The following CALN1 variants were observed in gnomAD, a reference collection of about 807,000 sequenced individuals.
CALN1 encodes calneuron 1.
Under a neutral mutation model 30.6 loss-of-function variants are expected in CALN1, and 17 were observed. The ratio of observed to expected loss-of-function variants is 0.56; its 90% CI spans 0.38 to 0.83. The LOEUF is 0.83. Ranked by LOEUF, CALN1 falls within the 40% of genes least tolerant of loss-of-function variation. The pLI, the probability that CALN1 is intolerant of heterozygous loss-of-function variation, is 0.00. For missense variants in CALN1, 291 were observed against 354.9 expected (o/e 0.82, Z 1.45); for synonymous variants, 156 against 131.4 (o/e 1.19, Z -1.28).
chr7:72,409,566 G>A (rs1043668295), intron 1 of CALN1, among the ~76,000 whole-genome samples: 1 of 151,924 alleles, frequency 6.6e-6, no homozygotes, highest in South Asian at 2.1e-4. Context: ...TGGGTTACAA[G>A]CAGACTCAGC....
In CALN1 at chr7:72,403,391, T is replaced by C; in HGVS notation, c.-22A>G. 6.5e-7 allele frequency: 1 copy of C among 1,530,336 alleles called. No individual in the cohort carries two copies. Among genetic ancestry groups the C allele is most frequent in the Admixed American group, 2.0e-5 (1 of 50,120 alleles). The allele number at this position is 1,530,336 out of a possible 1,614,324, so 94.8% of individuals were successfully genotyped here. A position where few individuals can be genotyped will look rare whatever the true frequency, so the allele number is the denominator to read the frequency against. ...GCATCGGGGGTCCAGGGCGATGTTC[T>C]CAGAGAGAGTTAGAAGCTCATCAAA... is the stretch of plus-strand genomic sequence containing the variant. On this transcript the variant is annotated 5_prime_UTR_variant, in exon 2 of 7. Transcript: ENST00000395275.
intron 5 of CALN1, among the ~76,000 whole-genome samples, chr7:72,015,430 TTTC>T (rs1272018421): frequency 3.7e-5 from 5 of 133,536 alleles, no homozygotes; most frequent in Admixed American, 6.7e-5. Flanking sequence ...CATTTCTTTC[TTTC>T]TTTTTTTTTT....
intron 5 of CALN1, among the ~76,000 whole-genome samples, chr7:71,947,688 C>A (rs1200747374): frequency 6.6e-6 from 1 of 152,122 alleles, no homozygotes; most frequent in African/African-American, 2.4e-5. Context: ...CACCTGTAAT[C>A]CCAGCACTTT....
At chr7:72,349,641 A>G (rs1013488188) in intron 2 of CALN1, among the ~76,000 whole-genome samples, 9 of 152,178 alleles carry the variant, frequency 5.9e-5, no homozygotes, top group African/African-American at 1.7e-4. Flanking sequence ...AAAAACAAAA[A>G]TACTGAGAAT....
intron 2 of CALN1, among the ~76,000 whole-genome samples, chr7:72,384,010 T>C (rs1805063087): frequency 6.6e-6 from 1 of 152,208 alleles, no homozygotes; most frequent in Non-Finnish European, 1.5e-5. Context: ...ATATGTTTAT[T>C]GCAGCACTAT....
At chr7:71,885,855 C>T (rs1792872759) in intron 5 of CALN1, among the ~76,000 whole-genome samples, 2 of 152,196 alleles carry the variant, frequency 1.3e-5, no homozygotes, top group Non-Finnish European at 2.9e-5. Flanking sequence ...GGGAGAAATT[C>T]ACAGGAGTCT....
At chr7:72,084,241 A>G (rs976751841) in intron 4 of CALN1, among the ~76,000 whole-genome samples, 1 of 152,112 alleles carries the variant, frequency 6.6e-6, no homozygotes, top group Non-Finnish European at 1.5e-5. Flanking sequence ...AAAACAGATT[A>G]CACTTAGAAT....
chr7:72,326,556 T>G (rs1044694566), intron 2 of CALN1, among the ~76,000 whole-genome samples: 3 of 152,250 alleles, frequency 2.0e-5, no homozygotes, highest in Non-Finnish European at 4.4e-5. Context: ...GCAGTAGGAA[T>G]GCTGGAGGCT....
intron 3 of CALN1, among the ~76,000 whole-genome samples, chr7:72,276,906 C>T (rs1000471932): frequency 3.9e-5 from 6 of 152,238 alleles, no homozygotes; most frequent in African/African-American, 1.4e-4. Context: ...CACAAAAGAA[C>T]TTATTCACTC....
At chr7:72,086,568 G>A (rs1290146714) in intron 4 of CALN1, among the ~76,000 whole-genome samples, 1 of 143,262 alleles carries the variant, frequency 7.0e-6, no homozygotes, top group Non-Finnish European at 1.6e-5. Context: ...CAAGTAGCTG[G>A]GACTACCGGC....
intron 2 of CALN1, among the ~76,000 whole-genome samples, chr7:72,387,477 A>C (rs1475971229): frequency 2.6e-5 from 4 of 152,242 alleles, no homozygotes; most frequent in East Asian, 1.9e-4. Context: ...AAACCTGACA[A>C]ACACACACTC....
At chr7:72,077,086 T>A (rs555101135) in intron 4 of CALN1, among the ~76,000 whole-genome samples, 14 of 152,230 alleles carry the variant, frequency 9.2e-5, no homozygotes, top group South Asian at 2.1e-4. Context: ...AAATACCTAG[T>A]AGTAGTGGCA....
chr7:71,891,984 A>G (rs1448284512), intron 5 of CALN1, among the ~76,000 whole-genome samples: 1 of 152,042 alleles, frequency 6.6e-6, no homozygotes, highest in African/African-American at 2.4e-5. Flanking sequence ...AGTGCTATGT[A>G]TGTGTTTGTT....
chr7:71,881,936 G>C (rs1374767977), intron 5 of CALN1, among the ~76,000 whole-genome samples: 3 of 151,878 alleles, frequency 2.0e-5, no homozygotes, highest in Non-Finnish European at 4.4e-5. Context: ...AGCCACATGT[G>C]GTGGTATATG....
At chr7:72,411,023 AAAT>A (rs1369839346) in intron 1 of CALN1, among the ~76,000 whole-genome samples, 12 of 152,226 alleles carry the variant, frequency 7.9e-5, no homozygotes, top group Non-Finnish European at 1.3e-4. Context: ...AAACGATTAC[AAAT>A]AATAGGTGAA....
chr7:71,831,206 C>A (rs527982514), intron 5 of CALN1, among the ~76,000 whole-genome samples: 1 of 152,096 alleles, frequency 6.6e-6, no homozygotes, highest in South Asian at 2.1e-4. Flanking sequence ...TAGGGCCAGG[C>A]GCGGTGGCTC....
chr7:72,325,915 T>C (rs1031619035), intron 2 of CALN1, among the ~76,000 whole-genome samples: 5 of 152,156 alleles, frequency 3.3e-5, no homozygotes, highest in African/African-American at 1.2e-4. Context: ...GGTGGGCTTT[T>C]TTAGAAGACA....
chr7:72,340,755 G>A (rs1349046286), intron 2 of CALN1, among the ~76,000 whole-genome samples: 1 of 152,198 alleles, frequency 6.6e-6, no homozygotes, highest in Non-Finnish European at 1.5e-5. Context: ...ACATGTTGTG[G>A]GAGGGACCTG....
intron 5 of CALN1, among the ~76,000 whole-genome samples, chr7:71,936,399 C>CA (rs745646988): frequency 0.28 from 20,748 of 74,154 alleles, 2,139 homozygotes; most frequent in Non-Finnish European, 0.31. Flanking sequence ...GACTCAGTCT[C>CA]AAAAAAAAAA....
Sources: allele counts gnomAD v4.1 joint callset (sites outside exome capture counted in the v4.1 genomes callset), GRCh38; gene constraint gnomAD v4.1.1; transcripts MANE v1.5; gene names NCBI Gene and HGNC (gene_info 2026-07-23, HGNC 2026-07-21).